Variants in CXCR4 observed in about 807,000 individuals in gnomAD.
CXCR4 encodes the protein C-X-C motif chemokine receptor 4, also known as C-X-C chemokine receptor type 4.
In CXCR4, 6 loss-of-function variants were observed where a neutral mutation model predicts 22.4. The observed-to-expected ratio is 0.27, with a 90% CI of 0.15 to 0.53. The LOEUF (loss-of-function observed/expected upper bound fraction) is 0.53, where lower values mean the gene tolerates loss of function less well. Ranked by LOEUF, CXCR4 falls within the 20% of genes least tolerant of loss-of-function variation. The probability of loss-of-function intolerance (pLI) is 0.96; values close to 1 mark genes in which losing one functional copy is unlikely to be tolerated. For synonymous variants in CXCR4, 155 were observed against 171.7 expected, an observed-to-expected ratio of 0.90 and a Z score of 0.76; for missense variants, 300 against 430.4, an observed-to-expected ratio of 0.70 and a Z score of 2.68.
In CXCR4 at chr2:136,115,652, G is replaced by A. The variant is rs972544112; in HGVS notation, c.276C>T (p.Pro92=). 6.2e-7 allele frequency: 1 copy of A among 1,614,232 alleles called. No individual in the cohort carries two copies. Residue 92 remains proline (P), a synonymous_variant, in exon 2 of 2, where the codon CCC becomes CCT. Transcript: ENST00000241393. The surrounding 1 kb of genome is among the most constrained non-coding windows in gnomAD (Gnocchi z 6.4). The part of the protein sequence containing the change: ...VADLLFVITL[P]FWAVDAVANW... ...TTGCCACGGCATCAACTGCCCAGAA[G>A]GGAAGCGTGATGACAAAGAGGAGGT...
At chr2:136,117,544 G>A (rs1684943683) in intron 1 of CXCR4, 1 of 160,664 alleles carries the variant, frequency 6.2e-6, no homozygotes. Flanking sequence ...GTCAAGAACA[G>A]TCACCAGGCG....
At position 136,115,979 on chromosome 2, in the gene CXCR4, A is replaced by AT. The variant is rs771373388; in HGVS notation, c.16-68dup. ...GCAAGCATTAACCCAGTTAAAAAAA[A>AT]TTTTTAAAGCAATTTAAAAAACCAA... On this transcript the variant is annotated intron_variant, in intron 1 of 1. Coordinates refer to ENST00000241393, the MANE Select transcript of CXCR4 (RefSeq NM_003467.3). The surrounding 1 kb of genome is among the most constrained non-coding windows in gnomAD (Gnocchi z 6.4). 2.5e-6 allele frequency: 4 copies of AT among 1,611,836 alleles called. No individual in the cohort carries two copies. The highest frequency in any genetic ancestry group is 3.4e-6 in the Non-Finnish European group (4 of 1,179,230).
chr2:136,117,053 G>A (rs1321964285), intron 1 of CXCR4, among the ~76,000 whole-genome samples: 23 of 152,214 alleles, frequency 1.5e-4, no homozygotes, highest in East Asian at 5.8e-4. Flanking sequence ...GGTTTCAAAA[G>A]GTTTCTGGAA....
intron 1 of CXCR4, chr2:136,116,293 C>T: frequency 9.3e-7 from 1 of 1,075,646 alleles, no homozygotes; most frequent in Non-Finnish European, 1.2e-6. Context: ...CACTCCCAGG[C>T]GGCGTGGGGG....
chr2:136,117,598 T>A (rs549010240), intron 1 of CXCR4: 4 of 166,782 alleles, frequency 2.4e-5, no homozygotes, highest in Non-Finnish European at 5.2e-5. Context: ...TCCTGGGAAC[T>A]CAGCCCAGGC....
rs1334610464 is a variant in CXCR4 at position 136,118,030 on chromosome 2, T to G, written c.15+16A>C. ...GTTTGTACATTTATGACAAAGCAGG[T>G]TGAAACTGGACTTACACTGATCCCC... is the stretch of plus-strand genomic sequence containing the variant. On this transcript the variant is annotated intron_variant, in intron 1 of 1. Coordinates refer to ENST00000241393, the MANE Select transcript of CXCR4 (RefSeq NM_003467.3). 6.2e-7 allele frequency: 1 copy of G among 1,613,496 alleles called. No homozygotes were observed.
chr2:136,117,823 C>G (rs1684958731), intron 1 of CXCR4: 1 of 542,148 alleles, frequency 1.8e-6, no homozygotes, highest in Non-Finnish European at 3.2e-6. Flanking sequence ...AACGCTCTTT[C>G]CAGTCGTTTC....
intron 1 of CXCR4, chr2:136,117,717 C>T (rs1244191764): frequency 1.8e-5 from 5 of 275,574 alleles, no homozygotes; most frequent in Middle Eastern, 1.1e-3. Flanking sequence ...CGCACGCCTT[C>T]TCTGCACTTG....
At chr2:136,117,510 G>A (rs1186037177) in intron 1 of CXCR4, 4 of 154,640 alleles carry the variant, frequency 2.6e-5, no homozygotes, top group Non-Finnish European at 2.9e-5. Context: ...CGGCCGCACA[G>A]AGTTTAACAA....
At chr2:136,117,702 C>T (rs1684951939) in intron 1 of CXCR4, 1 of 231,718 alleles carries the variant, frequency 4.3e-6, no homozygotes, top group South Asian at 6.9e-5. Flanking sequence ...AGTCCCGAGG[C>T]AGCGCGCACG....
At chr2:136,116,029 T>A in intron 1 of CXCR4, 117 bp from the exon 2 acceptor site, 3 of 1,576,736 alleles carry the variant, frequency 1.9e-6, no homozygotes, top group Non-Finnish European at 2.6e-6. Flanking sequence ...CTTCAGGAAA[T>A]TCTGAAGTAG....
Position 136,118,066 on chromosome 2 carries a change from C to T in CXCR4, c.-6G>A. The T allele has an allele frequency of 6.2e-7, 1 of 1,613,848 alleles. No individual in the cohort carries two copies. The highest frequency in any genetic ancestry group is 8.5e-7 in the Non-Finnish European group (1 of 1,179,798). ...CTTACACTGATCCCCTCCATGGTAACCGCTGGTTCTCCAGATGCGGTGGCT... is the reference window on the plus strand; with the variant it reads ...CTTACACTGATCCCCTCCATGGTAATCGCTGGTTCTCCAGATGCGGTGGCT... On this transcript the variant is annotated 5_prime_UTR_variant, in exon 1 of 2. Transcript: ENST00000241393.
At chr2:136,116,033 G>T in intron 1 of CXCR4, 121 bp from the exon 2 acceptor site, 1 of 1,571,180 alleles carries the variant, frequency 6.4e-7, no homozygotes, top group Non-Finnish European at 8.6e-7. Context: ...AGGAAATTCT[G>T]AAGTAGTGGG....
Position 136,114,845 on chromosome 2 carries a change from A to T in CXCR4, c.*24T>A. 3 of 1,555,096 alleles carry T rather than the reference A, an allele frequency of 1.9e-6. No homozygotes were observed. Among genetic ancestry groups the T allele is most frequent in the African/African-American group, 1.4e-5 (1 of 73,022 alleles). ...CTTAAAAAAAAGTTATTTATCGTAT[A>T]AAAAAAAGTCTTTTACATCTGTGTT... On this transcript the variant is annotated 3_prime_UTR_variant, in exon 2 of 2. Coordinates refer to ENST00000241393, the MANE Select transcript of CXCR4 (RefSeq NM_003467.3).
At chr2:136,117,043 G>A (rs1454934850) in intron 1 of CXCR4, among the ~76,000 whole-genome samples, 1 of 152,236 alleles carries the variant, frequency 6.6e-6, no homozygotes, top group Admixed American at 6.5e-5. Flanking sequence ...CTAGCAAGAG[G>A]GTTTCAAAAG....
intron 1 of CXCR4, among the ~76,000 whole-genome samples, chr2:136,116,873 G>A (rs1025784858): frequency 6.6e-6 from 1 of 152,134 alleles, no homozygotes; most frequent in African/African-American, 2.4e-5. Context: ...GGGCCGCCGC[G>A]GCTGCCCACT....
intron 1 of CXCR4, chr2:136,117,844 A>C: frequency 3.9e-6 from 2 of 515,426 alleles, no homozygotes; most frequent in East Asian, 3.5e-5. Context: ...TCCTCGACTC[A>C]CAGAGAAAAA....
intron 1 of CXCR4, among the ~76,000 whole-genome samples, chr2:136,116,899 G>A (rs1395434412): frequency 1.3e-5 from 2 of 152,186 alleles, no homozygotes; most frequent in Non-Finnish European, 2.9e-5. Flanking sequence ...CACGCCAACC[G>A]CCCGCAAGCA....
At chr2:136,117,916 T>G (rs1353510845) in intron 1 of CXCR4, 130 bp downstream of exon 1, 10 of 431,840 alleles carry the variant, frequency 2.3e-5, no homozygotes, top group Non-Finnish European at 3.3e-5. Flanking sequence ...AGAAAACTCC[T>G]TTCGGTGACC....
Sources: allele counts gnomAD v4.1 joint callset (sites outside exome capture counted in the v4.1 genomes callset), GRCh38; gene constraint gnomAD v4.1.1; non-coding constraint Gnocchi (gnomAD v3.1); transcripts MANE v1.5; gene names NCBI Gene and HGNC (gene_info 2026-07-23, HGNC 2026-07-21).